Variants in TAOK2 observed in about 807,000 individuals in gnomAD.
TAOK2 encodes the protein serine/threonine-protein kinase TAO2.
Under a neutral mutation model 122.5 loss-of-function variants are expected in TAOK2, and 42 were observed. The ratio of observed to expected loss-of-function variants is 0.34; its 90% CI spans 0.27 to 0.44. TAOK2 has a LOEUF of 0.44. Ranked by LOEUF, TAOK2 falls within the 20% of genes least tolerant of loss-of-function variation. The pLI, the probability that TAOK2 is intolerant of heterozygous loss-of-function variation, is 1.00. For synonymous variants in TAOK2, 704 were observed against 677.6 expected (o/e 1.04, Z -0.61); for missense variants, 1,264 against 1,644.9 (o/e 0.77, Z 4.01).
chr16:29,991,333 T>C (rs1163768208), downstream of TAOK2: 4 of 1,604,226 alleles, frequency 2.5e-6, no homozygotes, highest in Admixed American at 3.4e-5. This position sits in a 1 kb window ranked among gnomAD's most constrained non-coding sequence, Gnocchi z 5.6. Context: ...CAGCCGTCTC[T>C]GCTGGCTCCC....
Position 29,985,444 on chromosome 16 carries a change from A to G in TAOK2, c.1654A>G (p.Lys552Glu), listed in dbSNP as rs1397232670. The G allele has an allele frequency of 4.3e-6, 7 of 1,611,144 alleles. No individual in the cohort carries two copies. Among genetic ancestry groups the G allele is most frequent in the Non-Finnish European group, 5.1e-6 (6 of 1,178,818 alleles). ...CCGGCGGCACCAGGCCATAGGTGAG[A>G]AGGAGGCACGAGCTGCCCAGGCCGA... is the stretch of plus-strand genomic sequence containing the variant. Reference protein sequence around the residue: ...LARRHQAIGEKEARAAQAEER... With the variant: ...LARRHQAIGEEEARAAQAEER... The change falls in exon 14 of 16, where the codon AAG becomes GAG. Residue 552 changes from lysine to glutamate, a missense_variant. By Grantham distance (56) the Lys-to-Glu change is moderately conservative. This residue lies in a region of TAOK2 where 824 missense variants were observed against 908.7 expected (regional missense o/e 0.91). Coordinates refer to ENST00000308893, the MANE Select transcript of TAOK2 (RefSeq NM_016151.4). The surrounding 1 kb of genome is among the most constrained non-coding windows in gnomAD (Gnocchi z 6.9).
chr16:29,982,837 T>A lies in TAOK2; in HGVS notation c.935T>A (p.Met312Lys). ...CTGGACAACCTGCAGTACCGCAAGA[T>A]GAAGAAGATCCTGTTCCAAGAGGCA... The part of the protein sequence containing the change: ...RELDNLQYRK[M>K]KKILFQEAPN... The change falls in exon 11 of 16, where the codon ATG (methionine) becomes AAG (lysine). Residue 312 changes from methionine (M) to lysine (K), a missense_variant. By Grantham distance (95) the Met-to-Lys change is moderately conservative. Coordinates refer to ENST00000308893, the MANE Select transcript of TAOK2 (RefSeq NM_016151.4). The A allele has an allele frequency of 6.2e-7, 1 of 1,613,986 alleles. No homozygotes were observed. The highest frequency in any genetic ancestry group is 8.5e-7 in the Non-Finnish European group (1 of 1,179,964).
intron 1 of TAOK2, among the ~76,000 whole-genome samples, chr16:29,976,523 C>T (rs957062868): frequency 6.6e-6 from 1 of 152,240 alleles, no homozygotes; most frequent in African/African-American, 2.4e-5. Context: ...CCCCAGGAGT[C>T]CAGCTCTGCT....
At position 29,988,114 on chromosome 16, in the gene TAOK2, C is replaced by T; in HGVS notation, c.*134C>T. On this transcript the variant is annotated 3_prime_UTR_variant, in exon 16 of 16. Transcript: ENST00000308893. Reference sequence around the variant, plus strand: ...GTTTGCTCACTTACCCCAGGCCCAGCCCTTCGGACCTCTAGACAGGCAGCC... The same window carrying T: ...GTTTGCTCACTTACCCCAGGCCCAGTCCTTCGGACCTCTAGACAGGCAGCC... 7.0e-7 allele frequency: 1 copy of T among 1,433,570 alleles called. No homozygotes were observed. Among genetic ancestry groups the T allele is most frequent in the Non-Finnish European group, 9.1e-7 (1 of 1,098,698 alleles). The allele number at this position is 1,433,570 out of a possible 1,614,324, so 88.8% of individuals were successfully genotyped here.
chr16:29,983,102 ACT>A lies in TAOK2; in HGVS notation c.1033_1034del (p.Leu345AspfsTer6), dbSNP rs1260279546. 1.2e-6 allele frequency: 2 copies of A among 1,613,506 alleles called. No homozygotes were observed. Among genetic ancestry groups the A allele is most frequent in the Admixed American group, 1.7e-5 (1 of 59,972 alleles). The part of the protein sequence containing the change: ...EAEPYMHRAG[T>X]LTSLESSHSV... ...CGAGCCCTACATGCACCGGGCCGGG[ACT>A]CTGACCAGCCTCGAGAGTAGCCACT... On this transcript the variant is annotated frameshift_variant, in exon 12 of 16. Transcript: ENST00000308893. LOFTEE classifies it high-confidence loss of function.
chr16:29,989,724 C>T, downstream of TAOK2: 1 of 1,614,048 alleles, frequency 6.2e-7, no homozygotes, highest in Non-Finnish European at 8.5e-7. Flanking sequence ...TTAAGCGGCT[C>T]AAGGAAGAGC....
At chr16:29,981,836 TC>T in intron 9 of TAOK2, 22 bp from the exon 10 acceptor site, 1 of 1,295,902 alleles carries the variant, frequency 7.7e-7, no homozygotes, top group Non-Finnish European at 1.1e-6. Flanking sequence ...CCCACCCCTC[TC>T]CCACCCTCCT....
downstream of TAOK2, chr16:29,990,749 G>A: frequency 1.3e-6 from 2 of 1,567,822 alleles, no homozygotes; most frequent in Non-Finnish European, 1.7e-6. Flanking sequence ...GGGTGGGGGA[G>A]GAGATCCCTA....
At chr16:29,976,810 T>A (rs1348476428) in intron 1 of TAOK2, among the ~76,000 whole-genome samples, 1 of 152,132 alleles carries the variant, frequency 6.6e-6, no homozygotes, top group Non-Finnish European at 1.5e-5. Context: ...TTTTCTTCTC[T>A]GTGCCTCAGT....
chr16:29,987,613 T>C lies in TAOK2; in HGVS notation c.3341T>C (p.Leu1114Pro). ...GAVGDRGLFA[L>P]YPKTNKDGFR... ...GTGGGGGACCGGGGTCTGTTTGCAC[T>C]GTACCCCAAAACCAACAAGGATGGC... Residue 1114 changes from leucine (L) to proline (P), a missense_variant, in exon 16 of 16, where the codon CTG becomes CCG. By Grantham distance (98) the Leu-to-Pro change is moderately conservative. This residue lies in a region of TAOK2 where 824 missense variants were observed against 908.7 expected (regional missense o/e 0.91). Transcript: ENST00000308893. 6.2e-7 allele frequency: 1 copy of C among 1,613,062 alleles called. No individual in the cohort carries two copies. The highest frequency in any genetic ancestry group is 8.5e-7 in the Non-Finnish European group (1 of 1,179,336).
At chr16:29,991,403 C>A, downstream of TAOK2, 1 of 1,549,410 alleles carries the variant, frequency 6.5e-7, no homozygotes, top group Non-Finnish European at 8.7e-7. The surrounding 1 kb of genome is among the most constrained non-coding windows in gnomAD (Gnocchi z 5.6). Flanking sequence ...GTGGCGGAGC[C>A]CTGCTGCTGC....
intron 13 of TAOK2, 127 bp downstream of exon 13, chr16:29,983,791 CTCCT>C: frequency 1.4e-6 from 2 of 1,391,550 alleles, no homozygotes; most frequent in Non-Finnish European, 1.9e-6. Flanking sequence ...CTGTTGCTGG[CTCCT>C]GCCTGCTCCC....
chr16:29,978,008 G>T, intron 2 of TAOK2, 81 bp from the exon 3 acceptor site: 1 of 1,611,844 alleles, frequency 6.2e-7, no homozygotes, highest in Non-Finnish European at 8.5e-7. Context: ...GGTCTTTCCT[G>T]CCTTCTCTTG....
chr16:29,989,760 G>A (rs765573503), downstream of TAOK2: 79 of 1,613,778 alleles, frequency 4.9e-5, no homozygotes, highest in East Asian at 1.3e-3. Context: ...CGATCTTGGC[G>A]GAGCAGTATG....
At chr16:29,981,448 C>T (rs895946502) in intron 8 of TAOK2, 11 of 623,826 alleles carry the variant, frequency 1.8e-5, no homozygotes, top group Middle Eastern at 2.5e-4. Flanking sequence ...TTTCTTTGAC[C>T]CCTATTCCAC....
chr16:29,977,642 G>C, intron 1 of TAOK2, 96 bp from the exon 2 acceptor site: 1 of 1,132,038 alleles, frequency 8.8e-7, no homozygotes, highest in Non-Finnish European at 1.2e-6. Context: ...TCCTCATCAG[G>C]GAATGAGGGG....
At chr16:29,975,591 T>C (rs1286940714) in intron 1 of TAOK2, among the ~76,000 whole-genome samples, 1 of 152,220 alleles carries the variant, frequency 6.6e-6, no homozygotes, top group East Asian at 1.9e-4. Flanking sequence ...CTTTTGCCTC[T>C]GCCTCATGGA....
In TAOK2 at chr16:29,985,534, G is replaced by A; in HGVS notation, c.1744G>A (p.Ala582Thr). The change falls in exon 14 of 16, where the codon GCA becomes ACA. Residue 582 changes from alanine (A) to threonine (T), a missense_variant. Physicochemically the swap from Ala to Thr is moderately conservative, Grantham distance 58 (BLOSUM62 0). Transcript: ENST00000308893. This position sits in a 1 kb window ranked among gnomAD's most constrained non-coding sequence, Gnocchi z 6.9. ...QKKELAALLE[A>T]QKRTYKLRKE... ...GAAGGAGCTGGCTGCCCTGCTGGAG[G>A]CACAGAAGCGGACCTACAAACTTCG... The A allele has an allele frequency of 1.2e-6, 2 of 1,607,396 alleles. No homozygotes were observed. The highest frequency in any genetic ancestry group is 8.5e-7 in the Non-Finnish European group (1 of 1,176,052).
At chr16:29,977,380 C>G (rs1002576233) in intron 1 of TAOK2, among the ~76,000 whole-genome samples, 2 of 152,158 alleles carry the variant, frequency 1.3e-5, no homozygotes, top group Non-Finnish European at 1.5e-5. Flanking sequence ...GGACAGGACA[C>G]TTGGGGCTCT....
Sources: gnomAD v4.1 joint callset for allele counts (sites outside exome capture counted in the v4.1 genomes callset) on GRCh38, gnomAD v4.1.1 for gene constraint, gnomAD v4.1.1 regional missense constraint, Gnocchi (gnomAD v3.1) non-coding constraint, MANE v1.5 for transcripts, NCBI Gene and HGNC (gene_info 2026-07-23, HGNC 2026-07-21) for gene names.